Variants in CTNNA3 observed in about 807,000 individuals in gnomAD.
CTNNA3 encodes the protein catenin alpha-3.
In CTNNA3, 76 loss-of-function variants were observed where a neutral mutation model predicts 95.7. The ratio of observed to expected loss-of-function variants is 0.79; its 90% CI spans 0.66 to 0.96. The LOEUF is 0.96. CTNNA3 is among the 40% of genes least tolerant of loss of function. CTNNA3 has a pLI of 0.00. For synonymous variants in CTNNA3, 431 were observed against 374.4 expected (o/e 1.15, Z -1.74); for missense variants, 1,191 against 1,089.8 (o/e 1.09, Z -1.31).
At chr10:67,086,953 A>T (rs188733508) in intron 7 of CTNNA3, among the ~76,000 whole-genome samples, 3 of 152,138 alleles carry the variant, frequency 2.0e-5, no homozygotes, top group African/African-American at 7.2e-5. Flanking sequence ...CAAGGGGATT[A>T]AAAAAAGGAA....
At chr10:66,940,248 C>T (rs147453369) in intron 7 of CTNNA3, among the ~76,000 whole-genome samples, 2 of 152,132 alleles carry the variant, frequency 1.3e-5, no homozygotes, top group Non-Finnish European at 2.9e-5. Context: ...GCCTATAGGC[C>T]CAGCACTTTG....
At chr10:66,522,824 T>C (rs1841115201) in intron 10 of CTNNA3, among the ~76,000 whole-genome samples, 1 of 151,904 alleles carries the variant, frequency 6.6e-6, no homozygotes, top group Non-Finnish European at 1.5e-5. Flanking sequence ...TTGAATTCTA[T>C]GCATAATTTT....
intron 5 of CTNNA3, among the ~76,000 whole-genome samples, chr10:67,221,616 C>T (rs1188498742): frequency 6.6e-6 from 1 of 152,060 alleles, no homozygotes; most frequent in Non-Finnish European, 1.5e-5. Flanking sequence ...GCTCTGTCGC[C>T]GAGGCTGGAG....
chr10:67,579,404 T>C (rs1247021613), intron 3 of CTNNA3, among the ~76,000 whole-genome samples: 1 of 152,114 alleles, frequency 6.6e-6, no homozygotes, highest in African/African-American at 2.4e-5. Flanking sequence ...TATGGCTGCA[T>C]ACTATTCCAT....
intron 7 of CTNNA3, among the ~76,000 whole-genome samples, chr10:67,008,957 G>T (rs999654135): frequency 1.3e-5 from 2 of 151,986 alleles, no homozygotes; most frequent in African/African-American, 4.8e-5. Flanking sequence ...AGATAACTTG[G>T]GTGGGTATAA....
chr10:67,598,742 C>T (rs1013032239), intron 3 of CTNNA3, among the ~76,000 whole-genome samples: 8 of 152,014 alleles, frequency 5.3e-5, no homozygotes, highest in African/African-American at 1.9e-4. Context: ...CAGCATAGGG[C>T]AGTTAGAACT....
chr10:67,189,203 T>C (rs773074309), intron 6 of CTNNA3, among the ~76,000 whole-genome samples: 1 of 151,288 alleles, frequency 6.6e-6, no homozygotes, highest in Non-Finnish European at 1.5e-5. Flanking sequence ...GAAGACATTA[T>C]GTTATGTGAA....
At chr10:66,274,731 T>C (rs2091355012) in intron 13 of CTNNA3, among the ~76,000 whole-genome samples, 1 of 152,180 alleles carries the variant, frequency 6.6e-6, no homozygotes, top group Non-Finnish European at 1.5e-5. Flanking sequence ...TTGGCAAACG[T>C]ATCCTCCAAT....
At chr10:67,575,460 T>C (rs1842112241) in intron 3 of CTNNA3, among the ~76,000 whole-genome samples, 1 of 152,212 alleles carries the variant, frequency 6.6e-6, no homozygotes, top group Non-Finnish European at 1.5e-5. Context: ...ACTCCCCAGA[T>C]AATTTCCTCA....
intron 1 of CTNNA3, among the ~76,000 whole-genome samples, chr10:67,706,772 A>G (rs750488531): frequency 3.9e-5 from 6 of 152,312 alleles, no homozygotes; most frequent in Admixed American, 1.3e-4. Flanking sequence ...AAGCTAGTTC[A>G]CTGAAACCAG....
chr10:67,273,227 A>G (rs1839057262), intron 5 of CTNNA3, among the ~76,000 whole-genome samples: 1 of 152,162 alleles, frequency 6.6e-6, no homozygotes. Flanking sequence ...TTACAACTCA[A>G]TAGAAAGCGG....
chr10:67,204,270 T>C (rs972606071), intron 6 of CTNNA3, among the ~76,000 whole-genome samples: 1 of 152,124 alleles, frequency 6.6e-6, no homozygotes, highest in African/African-American at 2.4e-5. Context: ...GATTAGATCA[T>C]GGAGGCAGAG....
chr10:65,967,802 T>G (rs980817079), intron 16 of CTNNA3, among the ~76,000 whole-genome samples: 17 of 152,188 alleles, frequency 1.1e-4, no homozygotes, highest in Non-Finnish European at 1.8e-4. Flanking sequence ...TTATAAAAAT[T>G]CCTTCTAATT....
intron 9 of CTNNA3, among the ~76,000 whole-genome samples, chr10:66,726,839 A>T (rs1848797677): frequency 6.6e-6 from 1 of 152,120 alleles, no homozygotes; most frequent in African/African-American, 2.4e-5. Flanking sequence ...AATTCTTCTT[A>T]TTGAAAAAAG....
intron 12 of CTNNA3, among the ~76,000 whole-genome samples, chr10:66,356,606 C>T (rs2092612743): frequency 6.6e-6 from 1 of 151,752 alleles, no homozygotes; most frequent in South Asian, 2.1e-4. Flanking sequence ...TTTTATCTTT[C>T]TTTTGCCTTA....
At chr10:67,738,187 C>T (rs1328580401) in intron 1 of CTNNA3, among the ~76,000 whole-genome samples, 1 of 152,148 alleles carries the variant, frequency 6.6e-6, no homozygotes, top group Non-Finnish European at 1.5e-5. Flanking sequence ...CGAAAGACAC[C>T]TCATACAGGC....
chr10:65,929,515 G>T (rs771900240), intron 17 of CTNNA3, among the ~76,000 whole-genome samples: 1 of 151,528 alleles, frequency 6.6e-6, no homozygotes, highest in East Asian at 1.9e-4. Context: ...GCTAATCTTA[G>T]ATTTGTGTAT....
intron 9 of CTNNA3, among the ~76,000 whole-genome samples, chr10:66,764,196 T>C (rs1296043104): frequency 3.9e-5 from 6 of 152,284 alleles, no homozygotes; most frequent in African/African-American, 1.4e-4. Flanking sequence ...CCAGTTTCAG[T>C]CTCCCAATAG....
chr10:67,003,706 C>T (rs1851809557), intron 7 of CTNNA3, among the ~76,000 whole-genome samples: 1 of 152,168 alleles, frequency 6.6e-6, no homozygotes, highest in African/African-American at 2.4e-5. Context: ...TGTCTTCATG[C>T]AGAATTTGAC....
Sources: gnomAD v4.1 joint callset for allele counts (sites outside exome capture counted in the v4.1 genomes callset) on GRCh38, gnomAD v4.1.1 for gene constraint, MANE v1.5 for transcripts, NCBI Gene and HGNC (gene_info 2026-07-23, HGNC 2026-07-21) for gene names.